Variants in CD96 observed in about 807,000 individuals in gnomAD.
The protein encoded by CD96 is CD96 molecule.
A neutral mutation model predicts 71.3 loss-of-function variants in CD96; 70 were observed. The observed-to-expected ratio is 0.98, with a 90% CI of 0.81 to 1.20. The LOEUF (loss-of-function observed/expected upper bound fraction) is 1.20. Among genes scored for constraint, CD96 ranks in the 50% most tolerant of loss-of-function variants. The probability of loss-of-function intolerance (pLI) is 0.00; values close to 1 mark genes in which losing one functional copy is unlikely to be tolerated. For missense variants in CD96, 742 were observed against 677.5 expected, an observed-to-expected ratio of 1.10 and a Z score of -1.06; for synonymous variants, 248 against 233.0, an observed-to-expected ratio of 1.06 and a Z score of -0.59.
At chr3:111,567,489 A>T (rs367821277) in intron 2 of CD96, 34 bp from the exon 3 acceptor site, 100 of 1,584,788 alleles carry the variant, frequency 6.3e-5, no homozygotes, top group East Asian at 1.3e-4. Context: ...CCAATCAGAG[A>T]TTCACATATT....
chr3:111,563,865 G>T, intron 2 of CD96, among the ~76,000 whole-genome samples: 1 of 152,190 alleles, frequency 6.6e-6, no homozygotes, highest in Non-Finnish European at 1.5e-5. Flanking sequence ...CTCAGGAAAG[G>T]CTCATAGCAG....
intron 2 of CD96, among the ~76,000 whole-genome samples, chr3:111,550,594 A>T (rs1934651374): frequency 1.3e-5 from 2 of 152,164 alleles, no homozygotes; most frequent in Non-Finnish European, 2.9e-5. Context: ...CGATATTGAA[A>T]AAAAAAGAAC....
intron 12 of CD96, among the ~76,000 whole-genome samples, chr3:111,647,102 A>C (rs954496602): frequency 1.1e-4 from 16 of 151,492 alleles, no homozygotes; most frequent in Admixed American, 5.3e-4. Flanking sequence ...AAAAAAAAAA[A>C]AAAAAAACCC....
chr3:111,566,721 T>C (rs1935730525), intron 2 of CD96, among the ~76,000 whole-genome samples: 1 of 152,184 alleles, frequency 6.6e-6, no homozygotes, highest in South Asian at 2.1e-4. Flanking sequence ...ATTTATCTTC[T>C]ATTACCTTAA....
intron 14 of CD96, among the ~76,000 whole-genome samples, chr3:111,662,822 A>G (rs1236823434): frequency 6.6e-6 from 1 of 152,148 alleles, no homozygotes; most frequent in Non-Finnish European, 1.5e-5. Flanking sequence ...ACTTTCCCTC[A>G]TCTTCCTGCC....
intron 5 of CD96, among the ~76,000 whole-genome samples, chr3:111,595,859 A>G (rs1373948930): frequency 6.6e-6 from 1 of 152,138 alleles, no homozygotes; most frequent in Non-Finnish European, 1.5e-5. Context: ...TTATAAAAGG[A>G]AAGATAGAAA....
Position 111,626,161 on chromosome 3 carries a change from C to T in CD96, c.1321+1757C>T, listed in dbSNP as rs191704868. On this transcript the variant is annotated intron_variant, in intron 10 of 13. Transcript: ENST00000352690. ...CTGAAAATACAAAAAATTAGCCAGG[C>T]GTGGTGGTGGGCACCTGTAGTCCCA... Among the ~76,000 whole-genome samples the T allele has an allele frequency of 4.8e-3, 731 of 151,830 alleles. 5 individuals carry two copies. Among genetic ancestry groups the T allele is most frequent in the South Asian group, 0.014 (69 of 4,806 alleles).
chr3:111,620,193 C>A (rs1938452433), intron 8 of CD96, among the ~76,000 whole-genome samples: 1 of 152,166 alleles, frequency 6.6e-6, no homozygotes, highest in South Asian at 2.1e-4. Context: ...GCTACCCCTG[C>A]TTTAATATGT....
At chr3:111,603,554 T>C (rs1194710926) in intron 7 of CD96, among the ~76,000 whole-genome samples, 3 of 152,214 alleles carry the variant, frequency 2.0e-5, no homozygotes, top group African/African-American at 7.2e-5. Flanking sequence ...GGGTTTTGTT[T>C]TGGGGAGTGG....
Position 111,609,164 on chromosome 3 carries a change from G to A in CD96, c.1180+2372G>A, listed in dbSNP as rs550408581. Among the ~76,000 whole-genome samples, 48 of 152,316 alleles carry A rather than the reference G, an allele frequency of 3.2e-4. No individual in the cohort carries two copies. In the South Asian group the frequency reaches 9.9e-3, roughly 32 times the overall value. The stretch of plus-strand genomic sequence containing the variant: ...AAGTGAGCATTTGTGCAGTGACAAA[G>A]ATGTTTATGGGCATTTGAGAAAGCA... On this transcript the variant is annotated intron_variant, in intron 8 of 13. Coordinates refer to ENST00000352690, the MANE Select transcript of CD96 (RefSeq NM_005816.5).
chr3:111,549,658 T>C (rs1055546865), intron 2 of CD96, among the ~76,000 whole-genome samples: 3 of 151,984 alleles, frequency 2.0e-5, no homozygotes, highest in African/African-American at 7.3e-5. Context: ...TAGGAGATTC[T>C]CCCCACAGGA....
intron 10 of CD96, among the ~76,000 whole-genome samples, 163 bp downstream of exon 10, chr3:111,624,567 A>G (rs760455883): frequency 9.9e-5 from 15 of 152,244 alleles, no homozygotes; most frequent in Non-Finnish European, 1.8e-4. Flanking sequence ...GACTACACCC[A>G]TGGACAAAAG....
chr3:111,605,196 G>A (rs2107661770), intron 7 of CD96, among the ~76,000 whole-genome samples: 1 of 152,268 alleles, frequency 6.6e-6, no homozygotes, highest in East Asian at 1.9e-4. Flanking sequence ...TTCCCTTGAG[G>A]GGCATATATG....
intron 2 of CD96, among the ~76,000 whole-genome samples, chr3:111,555,217 GAGAAA>G (rs1389371070): frequency 1.5e-4 from 3 of 20,326 alleles, no homozygotes; most frequent in Admixed American, 6.1e-4. Flanking sequence ...ACAAAATTAA[GAGAAA>G]AGAAAAGAAA....
chr3:111,576,723 ATAG>A (rs1322353296), intron 3 of CD96, among the ~76,000 whole-genome samples: 4 of 152,204 alleles, frequency 2.6e-5, no homozygotes, highest in African/African-American at 9.7e-5. Context: ...TTCTTAGAAT[ATAG>A]TAGGTGCTAA....
At chr3:111,635,933 G>A (rs183644211) in intron 10 of CD96, among the ~76,000 whole-genome samples, 16 of 152,194 alleles carry the variant, frequency 1.1e-4, no homozygotes, top group Admixed American at 4.6e-4. Context: ...CCTAAATCTA[G>A]GCCTAGTCCC....
chr3:111,664,678 A>G (rs894010353), intron 14 of CD96, among the ~76,000 whole-genome samples: 3 of 152,218 alleles, frequency 2.0e-5, no homozygotes, highest in Non-Finnish European at 4.4e-5. Context: ...TTAAACAAAA[A>G]AAAGGTATAT....
intron 6 of CD96, among the ~76,000 whole-genome samples, chr3:111,599,537 T>G (rs1937402581): frequency 6.6e-6 from 1 of 151,980 alleles, no homozygotes; most frequent in Non-Finnish European, 1.5e-5. Context: ...CTAACTAACA[T>G]GGTAAAACCC....
chr3:111,593,757 T>G (rs1937111158), intron 5 of CD96: 1 of 1,614,084 alleles, frequency 6.2e-7, no homozygotes, highest in South Asian at 1.1e-5. Context: ...CACAAAGCCA[T>G]GGTGCCCACC....
Sources: gnomAD v4.1 joint callset for allele counts (sites outside exome capture counted in the v4.1 genomes callset) on GRCh38, gnomAD v4.1.1 for gene constraint, MANE v1.5 for transcripts, NCBI Gene and HGNC (gene_info 2026-07-23, HGNC 2026-07-21) for gene names.